ALS2: variants seen among roughly 807,000 people sequenced by gnomAD.
The protein encoded by ALS2 is alsin.
Under a neutral mutation model 203.4 loss-of-function variants are expected in ALS2, and 117 were observed. The observed-to-expected ratio is 0.58, with a 90% confidence interval of 0.50 to 0.67. The LOEUF (loss-of-function observed/expected upper bound fraction) is 0.67. Ranked by LOEUF, ALS2 falls within the 30% of genes least tolerant of loss-of-function variation. ALS2 has a pLI of 0.00. For missense variants in ALS2, 1,715 were observed against 1,989.4 expected, an observed-to-expected ratio of 0.86 and a Z score of 2.62; for synonymous variants, 718 against 725.9, an observed-to-expected ratio of 0.99 and a Z score of 0.17.
chr2:201,758,082 T>C (rs1693510623), intron 4 of ALS2, among the ~76,000 whole-genome samples: 1 of 152,158 alleles, frequency 6.6e-6, no homozygotes, highest in African/African-American at 2.4e-5. Context: ...AGAAAAGGCA[T>C]GGAAAACACT....
At chr2:201,727,168 A>G (rs554514977) in intron 17 of ALS2, 44 bp downstream of exon 17, 1 of 1,484,498 alleles carries the variant, frequency 6.7e-7, no homozygotes, top group South Asian at 1.1e-5. Context: ...AGAGGCAGAA[A>G]GAGCCAGGGC....
In ALS2 at chr2:201,739,343, C is replaced by G. The variant is rs191956487; in HGVS notation, c.2352-608G>C. ...TTACTTGGTATCTACCAAGCAATAT[C>G]TATTACGTGGTAACTTAATTAACAT... On this transcript the variant is annotated intron_variant, in intron 11 of 33. Coordinates refer to ENST00000264276, the MANE Select transcript of ALS2 (RefSeq NM_020919.4). 5.7e-4 allele frequency among the ~76,000 whole-genome samples: 86 copies of G among 151,250 alleles called. 1 individual carries two copies. Among genetic ancestry groups the G allele is most frequent in the South Asian group, 3.4e-3 (16 of 4,770 alleles).
intron 3 of ALS2, chr2:201,763,356 A>T: frequency 5.1e-6 from 1 of 197,098 alleles, no homozygotes; most frequent in Non-Finnish European, 1.0e-5. Context: ...AGTATCGATG[A>T]CTGCTACTCC....
At position 201,760,903 on chromosome 2, in the gene ALS2, C is replaced by T. The variant is rs370372994; in HGVS notation, c.1091G>A (p.Gly364Asp). 61 of 1,613,816 alleles carry T rather than the reference C, an allele frequency of 3.8e-5. No homozygotes were observed. The African/African-American group carries it at 8.0e-4, about 21-fold the overall frequency. The change falls in exon 4 of 34, where the codon GGT (glycine) becomes GAT (aspartate). Residue 364 changes from glycine to aspartate, a missense_variant. Gly to Asp is a moderately conservative substitution (Grantham distance 94). Transcript: ENST00000264276. Reference protein sequence around the residue: ...DHSVREDSEHGEKPVPSQPLL... With the variant: ...DHSVREDSEHDEKPVPSQPLL... Reference sequence around the variant, plus strand: ...TACCTGAGATGGCACTGGCTTTTCACCATGCTCTGAGTCCTCTCTTACTGA... The same window carrying T: ...TACCTGAGATGGCACTGGCTTTTCATCATGCTCTGAGTCCTCTCTTACTGA...
intron 3 of ALS2, among the ~76,000 whole-genome samples, chr2:201,764,634 A>AAAAT (rs201734315): frequency 0.13 from 17,773 of 142,076 alleles, 1,219 homozygotes; most frequent in African/African-American, 0.18. Flanking sequence ...ACTCCGTCTC[A>AAAAT]AAATAAATAA....
intron 11 of ALS2, 46 bp from the exon 12 acceptor site, chr2:201,738,781 TA>T: frequency 6.7e-7 from 1 of 1,492,004 alleles, no homozygotes; most frequent in Non-Finnish European, 9.3e-7. Context: ...AAATGTAAAT[TA>T]GTTCTTCAGT....
rs200113676 is a variant in ALS2 at position 201,725,112 on chromosome 2, C to CA, written c.3347+243dup. Among the ~76,000 whole-genome samples the CA allele has an allele frequency of 0.11, 9,738 of 90,686 alleles. 344 individuals carry two copies. Among genetic ancestry groups the CA allele is most frequent in the Middle Eastern group, 0.17 (28 of 160 alleles). 59.5% of individuals were successfully genotyped at this position (90,686 alleles called of 152,430 possible). ...TGGGTGACAGAGCGAGACTTCATCT[C>CA]AAAAAAAAAAAAAAAAATTTAGATA... On this transcript the variant is annotated intron_variant, in intron 20 of 33. Transcript: ENST00000264276.
At chr2:201,702,381 TA>T (rs1474319535) in intron 33 of ALS2, among the ~76,000 whole-genome samples, 1 of 150,212 alleles carries the variant, frequency 6.7e-6, no homozygotes, top group Non-Finnish European at 1.5e-5. Context: ...CCCCAATGAA[TA>T]ACACATCCAG....
chr2:201,754,710 CCAGAGGGTAAGAAAACATAT>C, intron 5 of ALS2, 39 bp from the exon 6 acceptor site: 1 of 1,608,460 alleles, frequency 6.2e-7, no homozygotes, highest in Non-Finnish European at 8.5e-7. Context: ...GAGTGGGAGT[CCAGAGGGTAAGAAAACATAT>C]CATTTGGACA....
intron 33 of ALS2, among the ~76,000 whole-genome samples, chr2:201,702,486 A>G (rs1271733101): frequency 6.6e-6 from 1 of 152,168 alleles, no homozygotes; most frequent in East Asian, 1.9e-4. Context: ...GATGTTGTTG[A>G]TATCTATGTT....
chr2:201,733,109 C>CAGAAAG (rs1691677306), intron 13 of ALS2, among the ~76,000 whole-genome samples, 167 bp downstream of exon 13: 4 of 152,200 alleles, frequency 2.6e-5, no homozygotes, highest in Non-Finnish European at 5.9e-5. Context: ...CTCAATTTAT[C>CAGAAAG]TACAGTCATA....
intron 23 of ALS2, chr2:201,720,173 CAG>C: frequency 2.4e-6 from 1 of 409,810 alleles, no homozygotes; most frequent in Non-Finnish European, 4.7e-6. Context: ...AAGAAAACTA[CAG>C]ACCATTACCT....
Position 201,724,364 on chromosome 2 carries a change from G to A in ALS2, c.3443C>T (p.Pro1148Leu), listed in dbSNP as rs1267118646. ...LRSGKLTSSS[P>L]SMFIGQWVMD... ...TACCCACTGGCCAATGAACATACTA[G>A]GAGAAGAGGACGTCAATTTCCCACT... Residue 1148 changes from proline to leucine, a missense_variant, in exon 21 of 34, where the codon CCT (proline) becomes CTT (leucine). Physicochemically the swap from Pro to Leu is moderately conservative, Grantham distance 98 (BLOSUM62 -3). Coordinates refer to ENST00000264276, the MANE Select transcript of ALS2 (RefSeq NM_020919.4). The A allele has an allele frequency of 6.2e-7, 1 of 1,613,834 alleles. No individual in the cohort carries two copies. Among genetic ancestry groups the A allele is most frequent in the Non-Finnish European group, 8.5e-7 (1 of 1,179,782 alleles).
intron 13 of ALS2, among the ~76,000 whole-genome samples, chr2:201,731,113 T>G (rs945295593): frequency 6.6e-5 from 10 of 152,198 alleles, no homozygotes; most frequent in Admixed American, 2.0e-4. Context: ...AAGGATGATC[T>G]CTCACGTTTA....
At chr2:201,736,898 T>C (rs1691905132) in intron 12 of ALS2, among the ~76,000 whole-genome samples, 1 of 152,084 alleles carries the variant, frequency 6.6e-6, no homozygotes, top group Admixed American at 6.5e-5. Flanking sequence ...GACCTGAACA[T>C]ACCTATTCAT....
Position 201,704,570 on chromosome 2 carries a change from GA to G in ALS2, c.4721del (p.Val1574AlafsTer44), listed in dbSNP as rs386134188. 1 of 1,614,158 alleles carries G rather than the reference GA, an allele frequency of 6.2e-7. No homozygotes were observed. The highest frequency in any genetic ancestry group is 1.1e-5 in the South Asian group (1 of 91,082). ...AGATCTCCTCAAAAGTCTGCTGGAT[GA>G]CCTTAAGTTTGTCTGATGGGGTAAA... is the stretch of plus-strand genomic sequence containing the variant. ...TTFTPSDKLKVIQQTFEEISQ... is the reference protein window; with the variant it reads ...TTFTPSDKLKXIQQTFEEISQ... On this transcript the variant is annotated frameshift_variant, in exon 32 of 34. Coordinates refer to ENST00000264276, the MANE Select transcript of ALS2 (RefSeq NM_020919.4). LOFTEE classifies it high-confidence loss of function.
At chr2:201,779,491 G>T (rs1484485173) in intron 1 of ALS2, among the ~76,000 whole-genome samples, 1 of 152,154 alleles carries the variant, frequency 6.6e-6, no homozygotes, top group Non-Finnish European at 1.5e-5. Flanking sequence ...AGAACAACTT[G>T]AAATCATATT....
rs370308634 is a variant in ALS2, at chr2:201,723,130, G to C, written c.3625-10C>G. 6.2e-7 allele frequency: 1 copy of C among 1,603,500 alleles called. No individual in the cohort carries two copies. Among genetic ancestry groups the C allele is most frequent in the African/African-American group, 1.3e-5 (1 of 74,530 alleles). ...GCAAAACCCCATTTCCCTACAAGAA[G>C]AAACAAGAGAAAAATTACAACACAT... On this transcript the variant is annotated splice_polypyrimidine_tract_variant and intron_variant, in intron 22 of 33. Coordinates refer to ENST00000264276, the MANE Select transcript of ALS2 (RefSeq NM_020919.4).
chr2:201,742,575 A>G (rs1692348312), intron 10 of ALS2, among the ~76,000 whole-genome samples: 1 of 152,242 alleles, frequency 6.6e-6, no homozygotes, highest in Non-Finnish European at 1.5e-5. Flanking sequence ...CTTCCAGCTT[A>G]GATTGCTTCC....
Sources: allele counts gnomAD v4.1 joint callset (sites outside exome capture counted in the v4.1 genomes callset), GRCh38; gene constraint gnomAD v4.1.1; transcripts MANE v1.5; gene names NCBI Gene and HGNC (gene_info 2026-07-23, HGNC 2026-07-21).